The following BMERB1 variants were observed in gnomAD, a reference collection of about 807,000 sequenced individuals.
BMERB1 encodes bMERB domain containing 1, also known as bMERB domain-containing protein 1.
BMERB1 carries 12 observed loss-of-function variants against 23.6 expected under a neutral mutation model. The ratio of observed to expected loss-of-function variants is 0.51; its 90% confidence interval spans 0.33 to 0.82. The LOEUF is 0.82. BMERB1 is among the 40% of genes least tolerant of loss of function. The probability of loss-of-function intolerance (pLI) is 0.03; values close to 1 mark genes in which losing one functional copy is unlikely to be tolerated. For synonymous variants in BMERB1, 122 were observed against 96.6 expected (o/e 1.26, Z -1.54); for missense variants, 247 against 255.4 (o/e 0.97, Z 0.22).
At chr16:15,513,560 C>T (rs2051701811) in intron 1 of BMERB1, among the ~76,000 whole-genome samples, 1 of 152,150 alleles carries the variant, frequency 6.6e-6, no homozygotes, top group South Asian at 2.1e-4. Flanking sequence ...TATATATTAA[C>T]ATTTTAACTG....
intron 2 of BMERB1, among the ~76,000 whole-genome samples, chr16:15,522,256 G>C (rs1049028180): frequency 1.3e-5 from 2 of 152,200 alleles, no homozygotes; most frequent in Non-Finnish European, 2.9e-5. Context: ...GAAGGTAGGC[G>C]TGCGAAGGAC....
At chr16:15,559,267 C>T (rs563308965) in intron 2 of BMERB1, among the ~76,000 whole-genome samples, 143 of 152,288 alleles carry the variant, frequency 9.4e-4, no homozygotes, top group Non-Finnish European at 1.5e-3. Flanking sequence ...ATGTGTCTAG[C>T]CAAAGCAAAT....
At chr16:15,466,510 G>A (rs190115862) in intron 1 of BMERB1, among the ~76,000 whole-genome samples, 4 of 151,790 alleles carry the variant, frequency 2.6e-5, no homozygotes, top group Non-Finnish European at 4.4e-5. Context: ...TTCAGCTTGT[G>A]GCCTGTCTTT....
At chr16:15,561,524 C>G (rs977621838) in intron 2 of BMERB1, among the ~76,000 whole-genome samples, 2 of 152,014 alleles carry the variant, frequency 1.3e-5, no homozygotes, top group African/African-American at 4.8e-5. Context: ...CCACCTCGGC[C>G]TCCCAAAGTG....
chr16:15,585,578 T>G (rs1238732544), intron 5 of BMERB1, among the ~76,000 whole-genome samples: 1 of 152,104 alleles, frequency 6.6e-6, no homozygotes, highest in Non-Finnish European at 1.5e-5. Context: ...ATGTCTGTAA[T>G]CCCAGCACTT....
rs1156783784 is a variant in BMERB1 at position 15,587,560 on chromosome 16, G to A, written c.*731G>A. 1 of 453,158 alleles carries A rather than the reference G, an allele frequency of 2.2e-6. No homozygotes were observed. Among genetic ancestry groups the A allele is most frequent in the East Asian group, 7.0e-5 (1 of 14,190 alleles). The allele number at this position is 453,158 out of a possible 1,614,324, so 28.1% of individuals were successfully genotyped here. A position where few individuals can be genotyped will look rare whatever the true frequency, so the allele number is the denominator to read the frequency against. The stretch of plus-strand genomic sequence containing the variant: ...ATGGATCCAGTGTGCAGAAGAGCCA[G>A]CAGGGAACCGGAAGCTCTGATGTCA... On this transcript the variant is annotated 3_prime_UTR_variant, in exon 6 of 6. Coordinates refer to ENST00000300006, the MANE Select transcript of BMERB1 (RefSeq NM_033201.3).
At chr16:15,482,487 A>G (rs960523223) in intron 1 of BMERB1, among the ~76,000 whole-genome samples, 1 of 152,144 alleles carries the variant, frequency 6.6e-6, no homozygotes, top group South Asian at 2.1e-4. Flanking sequence ...ACTTTGGAGG[A>G]GGAGCCTGGT....
intron 1 of BMERB1, among the ~76,000 whole-genome samples, chr16:15,476,196 T>A (rs1257656369): frequency 2.1e-5 from 3 of 139,746 alleles, no homozygotes; most frequent in Non-Finnish European, 4.5e-5. Context: ...GGAGTCTCAC[T>A]CTGTTGCCCA....
chr16:15,447,913 G>T (rs1468861344), intron 1 of BMERB1: 2 of 455,976 alleles, frequency 4.4e-6, no homozygotes, highest in South Asian at 1.5e-5. Context: ...TTTTGAGACA[G>T]AGTCTTGCTG....
chr16:15,584,153 G>A, intron 5 of BMERB1: 1 of 654,448 alleles, frequency 1.5e-6, no homozygotes, highest in Non-Finnish European at 2.8e-6. Context: ...TGTCCATTAG[G>A]ATATTAAAGT....
intron 1 of BMERB1, among the ~76,000 whole-genome samples, chr16:15,463,551 G>A (rs2051154715): frequency 6.6e-6 from 1 of 152,122 alleles, no homozygotes; most frequent in Non-Finnish European, 1.5e-5. Flanking sequence ...ACCTTCCCTT[G>A]CCTCGTCGTT....
chr16:15,485,044 A>G (rs2051356208), intron 1 of BMERB1, among the ~76,000 whole-genome samples: 1 of 152,210 alleles, frequency 6.6e-6, no homozygotes, highest in Non-Finnish European at 1.5e-5. Flanking sequence ...CTAAGCTTAC[A>G]TTAGCCATCA....
intron 1 of BMERB1, among the ~76,000 whole-genome samples, chr16:15,470,542 T>A (rs1420732856): frequency 6.6e-6 from 1 of 151,960 alleles, no homozygotes; most frequent in Non-Finnish European, 1.5e-5. Context: ...TCTTTTTTTT[T>A]TTTAGACAGA....
intron 1 of BMERB1, among the ~76,000 whole-genome samples, chr16:15,447,450 C>A (rs961501260): frequency 1.3e-5 from 2 of 152,126 alleles, no homozygotes; most frequent in Non-Finnish European, 2.9e-5. Context: ...GTCCCTCCCT[C>A]CACACATGGG....
At chr16:15,561,256 ATTTTT>A (rs35139646) in intron 2 of BMERB1, among the ~76,000 whole-genome samples, 7 of 42,240 alleles carry the variant, frequency 1.7e-4, no homozygotes, top group African/African-American at 5.3e-4. Context: ...CACGCCGGCC[ATTTTT>A]TTTTTTTTTT....
At chr16:15,586,657 C>A (rs1466871363) in intron 5 of BMERB1, 60 bp from the exon 6 acceptor site, 1 of 1,400,520 alleles carries the variant, frequency 7.1e-7, no homozygotes, top group Non-Finnish European at 9.9e-7. Context: ...GCTCTGCTCA[C>A]CTCACCTCTC....
At chr16:15,519,144 A>T (rs2051818616) in intron 2 of BMERB1, among the ~76,000 whole-genome samples, 1 of 150,970 alleles carries the variant, frequency 6.6e-6, no homozygotes, top group Non-Finnish European at 1.5e-5. Flanking sequence ...GAGAGAAAAA[A>T]ATTTCAGACC....
chr16:15,547,013 C>CTT (rs34983068), intron 2 of BMERB1, among the ~76,000 whole-genome samples: 22 of 130,158 alleles, frequency 1.7e-4, no homozygotes, highest in South Asian at 4.8e-4. Context: ...GCTCTTTTAG[C>CTT]TTTTTTTTTT....
chr16:15,549,693 A>T (rs2030026232), intron 2 of BMERB1, among the ~76,000 whole-genome samples: 1 of 151,464 alleles, frequency 6.6e-6, no homozygotes, highest in African/African-American at 2.4e-5. Context: ...AAAAAAAAAA[A>T]TTCCTAAACA....
Sources: gnomAD v4.1 joint callset for allele counts (sites outside exome capture counted in the v4.1 genomes callset) on GRCh38, gnomAD v4.1.1 for gene constraint, MANE v1.5 for transcripts, NCBI Gene and HGNC (gene_info 2026-07-23, HGNC 2026-07-21) for gene names.